The following PARG variants were observed in gnomAD, a reference collection of about 807,000 sequenced individuals.
The protein encoded by PARG is mitochondrial poly(ADP-ribose) glycohydrolase.
In PARG, 35 loss-of-function variants were observed where a neutral mutation model predicts 113.0. That is an observed-to-expected ratio of 0.31 (90% confidence interval 0.24 to 0.41). PARG has a LOEUF of 0.41. PARG is among the 10% of genes least tolerant of loss of function. The probability of loss-of-function intolerance (pLI) is 1.00; values close to 1 mark genes in which losing one functional copy is unlikely to be tolerated. For synonymous variants in PARG, 330 were observed against 409.9 expected (o/e 0.81, Z 2.36); for missense variants, 797 against 1,169.4 (o/e 0.68, Z 4.64).
At chr10:49,929,992 T>C (rs1297103649) in intron 4 of PARG, among the ~76,000 whole-genome samples, 1 of 151,468 alleles carries the variant, frequency 6.6e-6, no homozygotes, top group Non-Finnish European at 1.5e-5. Flanking sequence ...TTATCTCTCT[T>C]ACACATTATT....
intron 16 of PARG, among the ~76,000 whole-genome samples, chr10:49,825,948 G>C (rs1239458994): frequency 1.3e-5 from 2 of 152,282 alleles, no homozygotes; most frequent in East Asian, 3.9e-4. Context: ...ATTGGTTTTG[G>C]ATTTCATTGT....
chr10:49,931,441 C>T (rs1345296031), intron 4 of PARG, among the ~76,000 whole-genome samples: 1 of 152,016 alleles, frequency 6.6e-6, no homozygotes, highest in Non-Finnish European at 1.5e-5. Flanking sequence ...GGATATTTTG[C>T]AGACCCTGCA....
intron 8 of PARG, among the ~76,000 whole-genome samples, chr10:49,884,579 A>T (rs1312801251): frequency 2.0e-5 from 3 of 152,186 alleles, no homozygotes; most frequent in Non-Finnish European, 2.9e-5. Context: ...CAAAAAAAGA[A>T]ACTTAGCCGG....
chr10:49,920,595 C>CGT (rs1218616991), intron 6 of PARG, among the ~76,000 whole-genome samples: 3 of 133,148 alleles, frequency 2.3e-5, no homozygotes, highest in Non-Finnish European at 3.2e-5. Context: ...CACATATATA[C>CGT]ATATATACGT....
chr10:49,920,081 G>A (rs1231534623), intron 6 of PARG, among the ~76,000 whole-genome samples: 4 of 151,894 alleles, frequency 2.6e-5, no homozygotes, highest in South Asian at 4.2e-4. Context: ...ATCAAATGAT[G>A]GTTCATTATA....
chr10:49,935,769 G>T (rs71243922), intron 1 of PARG, among the ~76,000 whole-genome samples: 1 of 151,902 alleles, frequency 6.6e-6, no homozygotes, highest in Non-Finnish European at 1.5e-5. Flanking sequence ...TATAAGCAAA[G>T]GCACCAATAT....
chr10:49,905,933 G>T (rs1357890143), intron 7 of PARG, among the ~76,000 whole-genome samples: 1 of 151,724 alleles, frequency 6.6e-6, no homozygotes, highest in African/African-American at 2.4e-5. Context: ...CACAGACTGG[G>T]TTTGACTAGT....
intron 16 of PARG, among the ~76,000 whole-genome samples, chr10:49,821,066 G>A (rs922573648): frequency 2.6e-5 from 4 of 152,040 alleles, no homozygotes; most frequent in East Asian, 1.9e-4. Flanking sequence ...GCACACCTGC[G>A]TCCCTCCTGC....
At chr10:49,925,283 TGTTAC>T (rs1554850291) in intron 4 of PARG, among the ~76,000 whole-genome samples, 1 of 152,082 alleles carries the variant, frequency 6.6e-6, no homozygotes, top group Admixed American at 6.6e-5. Context: ...CTCTGAAGCC[TGTTAC>T]CTACAAGCAT....
chr10:49,847,515 C>T (rs144935191), intron 13 of PARG, among the ~76,000 whole-genome samples: 10,582 of 152,096 alleles, frequency 0.07, 514 homozygotes, highest in African/African-American at 0.12. Context: ...TGGGCAAACA[C>T]AAGAAGGACA....
intron 12 of PARG, among the ~76,000 whole-genome samples, chr10:49,858,366 CACACAA>C (rs1458163578): frequency 7.3e-6 from 1 of 137,798 alleles, no homozygotes; most frequent in African/African-American, 3.1e-5. Context: ...CACACACACA[CACACAA>C]CTTGTGTATA....
intron 16 of PARG, among the ~76,000 whole-genome samples, chr10:49,828,066 CT>C (rs1844446914): frequency 9.5e-6 from 1 of 105,322 alleles, no homozygotes; most frequent in Admixed American, 1.5e-4. Context: ...AAAATCTCTG[CT>C]GAGACGAGAT....
Position 49,888,648 on chromosome 10 carries a change from T to G in PARG, c.1738-3353A>C, listed in dbSNP as rs186395446. On this transcript the variant is annotated intron_variant, in intron 7 of 17. Transcript: ENST00000616448. ...TTCTCTCTTGATGCTTTCAAGATTT[T>G]TTCTTTGCCTTTGGTTTTAAGAAAT... Among the ~76,000 whole-genome samples the G allele has an allele frequency of 1.4e-3, 206 of 152,340 alleles. 1 individual carries two copies. Among genetic ancestry groups the G allele is most frequent in the African/African-American group, 4.7e-3 (194 of 41,572 alleles).
chr10:49,920,792 G>C (rs1837827875), intron 6 of PARG, among the ~76,000 whole-genome samples: 1 of 151,828 alleles, frequency 6.6e-6, no homozygotes, highest in South Asian at 2.1e-4. Flanking sequence ...TGAGTGGTTA[G>C]CGTATTGCTG....
intron 11 of PARG, among the ~76,000 whole-genome samples, chr10:49,862,457 A>C (rs1255647419): frequency 1.3e-5 from 2 of 152,044 alleles, no homozygotes; most frequent in Non-Finnish European, 2.9e-5. Context: ...AAAATAGTCT[A>C]GGAGGTTAGC....
chr10:49,862,553 G>A (rs1846304372), intron 11 of PARG, among the ~76,000 whole-genome samples: 1 of 151,496 alleles, frequency 6.6e-6, no homozygotes, highest in Non-Finnish European at 1.5e-5. Flanking sequence ...CCAACAGGCT[G>A]ATAGCTTTAA....
At chr10:49,820,122 C>T (rs1314374043) in intron 17 of PARG, 43 bp downstream of exon 17, 1 of 1,394,944 alleles carries the variant, frequency 7.2e-7, no homozygotes, top group South Asian at 1.3e-5. Context: ...GAATGGTGTA[C>T]AATCCATCTA....
chr10:49,854,799 C>T (rs1460042522), intron 13 of PARG, among the ~76,000 whole-genome samples: 8 of 148,910 alleles, frequency 5.4e-5, no homozygotes, highest in Non-Finnish European at 1.0e-4. Context: ...TCACTGGCCA[C>T]ACACAGAAAG....
At chr10:49,895,585 T>C (rs1188699102) in intron 7 of PARG, among the ~76,000 whole-genome samples, 3 of 152,172 alleles carry the variant, frequency 2.0e-5, no homozygotes, top group East Asian at 3.9e-4. Context: ...TTTGTACTTT[T>C]AGTAGAGATG....
Sources: allele counts gnomAD v4.1 joint callset (sites outside exome capture counted in the v4.1 genomes callset), GRCh38; gene constraint gnomAD v4.1.1; transcripts MANE v1.5; gene names NCBI Gene and HGNC (gene_info 2026-07-23, HGNC 2026-07-21).